DMBT1: variants seen among roughly 807,000 people sequenced by gnomAD.
DMBT1 encodes deleted in malignant brain tumors 1.
Under a neutral mutation model 252.9 loss-of-function variants are expected in DMBT1, and 198 were observed. The ratio of observed to expected loss-of-function variants is 0.78; its 90% CI spans 0.70 to 0.88. The LOEUF is 0.88. Ranked by LOEUF, DMBT1 falls within the 40% of genes least tolerant of loss-of-function variation. DMBT1 has a pLI of 0.00. For synonymous variants in DMBT1, 990 were observed against 942.7 expected, an observed-to-expected ratio of 1.05 and a Z score of -0.92; for missense variants, 2,432 against 2,404.7, an observed-to-expected ratio of 1.01 and a Z score of -0.24.
chr10:122,577,093 C>T (rs1159494643), intron 7 of DMBT1, among the ~76,000 whole-genome samples: 1 of 152,208 alleles, frequency 6.6e-6, no homozygotes, highest in Non-Finnish European at 1.5e-5. Context: ...CACCAGTGTT[C>T]AGACACAGGG....
At chr10:122,628,595 C>A (rs2133662619) in intron 46 of DMBT1, among the ~76,000 whole-genome samples, 1 of 152,162 alleles carries the variant, frequency 6.6e-6, no homozygotes. Flanking sequence ...GAGATCGTGC[C>A]ACTGCACTCC....
In DMBT1 at chr10:122,598,830, C is replaced by T. The variant is rs369853325; in HGVS notation, c.3013C>T (p.Arg1005Ter). The T allele has an allele frequency of 9.9e-6, 16 of 1,613,458 alleles. No individual in the cohort carries two copies. The African/African-American group carries it at 1.3e-4, about 13-fold the overall frequency. Residue 1005 changes from arginine (R) to a stop codon, truncating the protein, a stop_gained, in exon 26 of 56, where the codon CGA (arginine) becomes TGA (stop). Transcript: ENST00000338354. LOFTEE classifies it high-confidence loss of function. ...GAATGGAGGTGACAGGTGTCAGGGC[C>T]GAGTGGAGGTCCTATACCAAGGCTC... ...LVNGGDRCQG[R>*]VEVLYQGSWG...
chr10:122,576,814 C>A, intron 7 of DMBT1, 92 bp downstream of exon 7: 1 of 1,515,550 alleles, frequency 6.6e-7, no homozygotes, highest in Non-Finnish European at 9.1e-7. Context: ...ATTGCTTGAG[C>A]TCAGGCGTTC....
At chr10:122,628,781 A>G (rs924376549) in intron 46 of DMBT1, among the ~76,000 whole-genome samples, 2 of 152,240 alleles carry the variant, frequency 1.3e-5, no homozygotes, top group African/African-American at 2.4e-5. Flanking sequence ...AGGCAAATCT[A>G]TAGAGACAGA....
At chr10:122,627,015 G>A (rs1391363270) in intron 46 of DMBT1, among the ~76,000 whole-genome samples, 1 of 152,162 alleles carries the variant, frequency 6.6e-6, no homozygotes, top group African/African-American at 2.4e-5. Context: ...TGTCGGGTGA[G>A]GCCAGATCAT....
Position 122,631,284 on chromosome 10 carries a change from A to G in DMBT1, c.6346+3A>G. 6.2e-7 allele frequency: 1 copy of G among 1,612,524 alleles called. No individual in the cohort carries two copies. Among genetic ancestry groups the G allele is most frequent in the Non-Finnish European group, 8.5e-7 (1 of 1,178,652 alleles). ...AGATGCTGGTGTCATCTGCTCAGGT[A>G]TGGCCCAATGCCATGGAAGGCCCAT... On this transcript the variant is annotated splice_donor_region_variant and intron_variant, in intron 49 of 55. Coordinates refer to ENST00000338354, the MANE Select transcript of DMBT1 (RefSeq NM_001377530.1).
At chr10:122,637,336 A>G in intron 54 of DMBT1, 24 bp downstream of exon 54, 3 of 1,573,024 alleles carry the variant, frequency 1.9e-6, no homozygotes, top group Non-Finnish European at 1.7e-6. Flanking sequence ...TTCCCATTCC[A>G]TTTCCCAGTG....
chr10:122,643,310 A>T lies in DMBT1; in HGVS notation c.7541A>T (p.Asp2514Val). 6.2e-7 allele frequency: 1 copy of T among 1,613,738 alleles called. No homozygotes were observed. The highest frequency in any genetic ancestry group is 8.5e-7 in the Non-Finnish European group (1 of 1,179,816). Reference sequence around the variant, plus strand: ...GGCTGTGTGTTGAGGTCGAAGAGGGATGTGGGCTCCTACCAGGAAAAGGTG... The same window carrying T: ...GGCTGTGTGTTGAGGTCGAAGAGGGTTGTGGGCTCCTACCAGGAAAAGGTG... Reference protein sequence around the residue: ...YRGCVLRSKRDVGSYQEKVDV... With the variant: ...YRGCVLRSKRVVGSYQEKVDV... The change falls in exon 56 of 56, where the codon GAT becomes GTT. Residue 2514 changes from aspartate to valine, a missense_variant. Physicochemically the swap from Asp to Val is radical, Grantham distance 152 (BLOSUM62 -3). This residue lies in a region of DMBT1 where 1,162 missense variants were observed against 1,169.0 expected (regional missense o/e 0.99). Transcript: ENST00000338354.
At chr10:122,581,447 TC>T (rs1300976388) in intron 11 of DMBT1, among the ~76,000 whole-genome samples, 1 of 149,288 alleles carries the variant, frequency 6.7e-6, no homozygotes, top group Non-Finnish European at 1.5e-5. Context: ...AGCCCCTGGT[TC>T]CCCTAACATT....
chr10:122,625,414 T>C (rs1591515902), intron 45 of DMBT1, 111 bp downstream of exon 45: 5 of 982,050 alleles, frequency 5.1e-6, no homozygotes, highest in African/African-American at 1.6e-5. Flanking sequence ...GTAATTTCTC[T>C]CTGAGGACTC....
chr10:122,619,462 C>A, intron 42 of DMBT1, 125 bp downstream of exon 42: 2 of 1,298,274 alleles, frequency 1.5e-6, no homozygotes, highest in Non-Finnish European at 2.2e-6. Context: ...TTTCCTCCCA[C>A]CACTCTGTAA....
intron 2 of DMBT1, among the ~76,000 whole-genome samples, chr10:122,568,475 G>T (rs2133514644): frequency 6.6e-6 from 1 of 152,272 alleles, no homozygotes; most frequent in Non-Finnish European, 1.5e-5. Context: ...AGATCCTGCT[G>T]GGAGAAAGAT....
At position 122,618,157 on chromosome 10, in the gene DMBT1, C is replaced by T; in HGVS notation, c.5032C>T (p.Gln1678Ter). Residue 1678 changes from glutamine (Q) to a stop codon, truncating the protein, a stop_gained, in exon 41 of 56, where the codon CAG (glutamine) becomes TAG (stop). Transcript: ENST00000338354. LOFTEE classifies it high-confidence loss of function. Reference sequence around the variant, plus strand: ...CAATGATGCCAACGTGGTCTGCAGGCAGCTGGGCTGTGGCTGGGCCATGTC... The same window carrying T: ...CAATGATGCCAACGTGGTCTGCAGGTAGCTGGGCTGTGGCTGGGCCATGTC... Reference protein sequence around the residue: ...DTNDANVVCRQLGCGWAMSAP... With the variant: ...DTNDANVVCR 1 of 1,614,004 alleles carries T rather than the reference C, an allele frequency of 6.2e-7. No individual in the cohort carries two copies. Among genetic ancestry groups the T allele is most frequent in the Non-Finnish European group, 8.5e-7 (1 of 1,179,880 alleles).
intron 14 of DMBT1, among the ~76,000 whole-genome samples, chr10:122,584,729 A>T (rs1326829561): frequency 6.7e-6 from 1 of 149,154 alleles, no homozygotes; most frequent in African/African-American, 2.4e-5. Flanking sequence ...CTAAAGCCTT[A>T]AACATGGCTG....
chr10:122,629,706 CTT>C (rs2098143995), intron 46 of DMBT1, 132 bp from the exon 47 acceptor site: 7 of 1,093,334 alleles, frequency 6.4e-6, no homozygotes, highest in Non-Finnish European at 9.2e-6. Context: ...AGAGAGGGGA[CTT>C]GTTTACAGGG....
Position 122,631,125 on chromosome 10 carries a change from G to A in DMBT1, c.6190G>A (p.Ala2064Thr), listed in dbSNP as rs1210342418. ...GCTAGGGTGTGGACGTGCAGTTTCAGCCCTTGGAAATGCATATTTTGGCTC... is the reference window on the plus strand; with the variant it reads ...GCTAGGGTGTGGACGTGCAGTTTCAACCCTTGGAAATGCATATTTTGGCTC... ...RQLGCGRAVSALGNAYFGSGS... is the reference protein window; with the variant it reads ...RQLGCGRAVSTLGNAYFGSGS... The change falls in exon 49 of 56, where the codon GCC (alanine) becomes ACC (threonine). Residue 2064 changes from alanine to threonine, a missense_variant. Physicochemically the swap from Ala to Thr is moderately conservative, Grantham distance 58. Around this residue, in one of 3 missense-constraint regions of DMBT1, gnomAD observed 1,162 missense variants for 1,169.0 expected, o/e 0.99. Transcript: ENST00000338354. 4 of 1,613,882 alleles carry A rather than the reference G, an allele frequency of 2.5e-6. No individual in the cohort carries two copies. The highest frequency in any genetic ancestry group is 3.4e-6 in the Non-Finnish European group (4 of 1,179,906).
In DMBT1 at chr10:122,592,500, G is replaced by T; in HGVS notation, c.2405G>T (p.Cys802Phe). 1 of 1,588,160 alleles carries T rather than the reference G, an allele frequency of 6.3e-7. No homozygotes were observed. The highest frequency in any genetic ancestry group is 1.2e-5 in the South Asian group (1 of 86,906). ...CCCATTGTTCTGGATGATGTGCGCT[G>T]CTCAGGACACGAGTCCTACCTGTGG... ...SGPIVLDDVRCSGHESYLWSC... is the reference protein window; with the variant it reads ...SGPIVLDDVRFSGHESYLWSC... The change falls in exon 20 of 56, where the codon TGC becomes TTC. Residue 802 changes from cysteine to phenylalanine, a missense_variant. Coordinates refer to ENST00000338354, the MANE Select transcript of DMBT1 (RefSeq NM_001377530.1).
chr10:122,627,503 CTA>C (rs1181347437), intron 46 of DMBT1, among the ~76,000 whole-genome samples: 10 of 152,230 alleles, frequency 6.6e-5, no homozygotes, highest in African/African-American at 2.4e-4. Context: ...GGTTTAATGA[CTA>C]TATGATTTTC....
chr10:122,580,986 G>A (rs949497566), intron 11 of DMBT1, 91 bp downstream of exon 11: 1 of 1,531,800 alleles, frequency 6.5e-7, no homozygotes, highest in African/African-American at 1.4e-5. Context: ...GTTTCTCTGT[G>A]TGGATACTGT....
Sources: allele counts gnomAD v4.1 joint callset (sites outside exome capture counted in the v4.1 genomes callset), GRCh38; gene constraint gnomAD v4.1.1; regional missense constraint gnomAD v4.1.1; transcripts MANE v1.5; gene names NCBI Gene and HGNC (gene_info 2026-07-23, HGNC 2026-07-21).